The following CA10 variants were observed in gnomAD, a reference collection of about 807,000 sequenced individuals.
The protein encoded by CA10 is carbonic anhydrase 10 (inactive).
CA10 carries 14 observed loss-of-function variants against 44.2 expected under a neutral mutation model. That is an observed-to-expected ratio of 0.32 (90% confidence interval 0.21 to 0.50). CA10 has a LOEUF of 0.50. CA10 is among the 20% of genes least tolerant of loss of function. The pLI is 0.99. For synonymous variants in CA10, 159 were observed against 141.6 expected (o/e 1.12, Z -0.87); for missense variants, 350 against 409.7 (o/e 0.85, Z 1.26).
intron 2 of CA10, among the ~76,000 whole-genome samples, chr17:52,008,204 A>T (rs1028984708): frequency 1.3e-5 from 2 of 151,682 alleles, no homozygotes; most frequent in African/African-American, 4.8e-5. Flanking sequence ...TTCCTTTGCA[A>T]ACAAAGTTCT....
At chr17:52,106,122 C>T (rs927009136) in intron 1 of CA10, among the ~76,000 whole-genome samples, 6 of 152,284 alleles carry the variant, frequency 3.9e-5, no homozygotes, top group Admixed American at 6.5e-5. Flanking sequence ...GGGGCTGGCC[C>T]GCATCACGGG....
intron 2 of CA10, among the ~76,000 whole-genome samples, chr17:51,995,365 A>C (rs1261459941): frequency 6.6e-6 from 1 of 152,104 alleles, no homozygotes; most frequent in African/African-American, 2.4e-5. Context: ...TTAAAAAAAT[A>C]GGGAATAAGA....
intron 4 of CA10, among the ~76,000 whole-genome samples, chr17:51,656,671 C>A (rs561069867): frequency 6.6e-6 from 1 of 152,162 alleles, no homozygotes; most frequent in Non-Finnish European, 1.5e-5. Flanking sequence ...TGACAGTGTG[C>A]GCTCTAGGGA....
Position 51,630,338 on chromosome 17 carries a change from T to TATTG in CA10, c.*1242_*1245dup, listed in dbSNP as rs1390558604. The TATTG allele has an allele frequency of 3.3e-5, 5 of 152,628 alleles. No individual in the cohort carries two copies. Among genetic ancestry groups the TATTG allele is most frequent in the Non-Finnish European group, 7.3e-5 (5 of 68,046 alleles). The allele number at this position is 152,628 out of a possible 1,614,324, so 9.5% of individuals were successfully genotyped here. A position where few individuals can be genotyped will look rare whatever the true frequency, so the allele number is the denominator to read the frequency against. On this transcript the variant is annotated 3_prime_UTR_variant, in exon 9 of 9. Coordinates refer to ENST00000451037, the MANE Select transcript of CA10 (RefSeq NM_020178.5). ...TACTGGGTAACTTGTTAAACACATT[T>TATTG]ATTGATTTCTTGACAGTAACCAAAC...
At chr17:52,090,206 T>C (rs574608523) in intron 1 of CA10, among the ~76,000 whole-genome samples, 66 of 152,278 alleles carry the variant, frequency 4.3e-4, no homozygotes, top group African/African-American at 1.6e-3. Context: ...TCAAAAGTGA[T>C]AGGCCAAGTA....
chr17:51,706,538 T>A (rs1363050173), intron 4 of CA10, among the ~76,000 whole-genome samples: 1 of 152,240 alleles, frequency 6.6e-6, no homozygotes, highest in Non-Finnish European at 1.5e-5. Context: ...AGTGGCCTCC[T>A]AATAGGCCTG....
chr17:51,866,702 A>G (rs974039415), intron 3 of CA10, among the ~76,000 whole-genome samples: 4 of 152,094 alleles, frequency 2.6e-5, no homozygotes, highest in African/African-American at 9.7e-5. Context: ...CCTTCATTAT[A>G]CCACTTTTAG....
intron 3 of CA10, among the ~76,000 whole-genome samples, chr17:51,764,869 T>G (rs896042230): frequency 1.3e-5 from 2 of 152,212 alleles, no homozygotes; most frequent in African/African-American, 4.8e-5. Flanking sequence ...AAACGTCTCC[T>G]TAACATCCCC....
chr17:52,012,549 A>G (rs913966543), intron 2 of CA10, among the ~76,000 whole-genome samples: 1 of 151,992 alleles, frequency 6.6e-6, no homozygotes, highest in Non-Finnish European at 1.5e-5. Flanking sequence ...TTTTATTGCA[A>G]TATGCTTACT....
At chr17:51,842,776 A>G (rs990871033) in intron 3 of CA10, among the ~76,000 whole-genome samples, 3 of 152,094 alleles carry the variant, frequency 2.0e-5, no homozygotes, top group African/African-American at 4.8e-5. Flanking sequence ...GAGAAAGTTA[A>G]CAGTATATGG....
chr17:51,992,190 A>C (rs1194744813), intron 2 of CA10, among the ~76,000 whole-genome samples: 2 of 152,012 alleles, frequency 1.3e-5, no homozygotes, highest in East Asian at 3.9e-4. Flanking sequence ...TGTGTCCATA[A>C]GTTTCATTTT....
At chr17:51,851,568 T>C (rs2143824019) in intron 3 of CA10, among the ~76,000 whole-genome samples, 1 of 152,368 alleles carries the variant, frequency 6.6e-6, no homozygotes, top group East Asian at 1.9e-4. Context: ...ATTTTAAATT[T>C]ATGATATAAT....
rs536113758 is a variant in CA10 at position 51,829,221 on chromosome 17, C to T, written c.280-81403G>A. 3.1e-4 allele frequency among the ~76,000 whole-genome samples: 47 copies of T among 152,328 alleles called. 1 individual carries two copies. Among genetic ancestry groups the T allele is most frequent in the Admixed American group, 2.8e-3 (43 of 15,298 alleles). On this transcript the variant is annotated intron_variant, in intron 3 of 8. Coordinates refer to ENST00000451037, the MANE Select transcript of CA10 (RefSeq NM_020178.5). ...CCTAAGGGTAACAGCTCAAAGACTGCCCCCATGGATGTGTCTGGAATCCTC... is the reference window on the plus strand; with the variant it reads ...CCTAAGGGTAACAGCTCAAAGACTGTCCCCATGGATGTGTCTGGAATCCTC...
At chr17:51,678,427 C>A (rs1914706818) in intron 4 of CA10, among the ~76,000 whole-genome samples, 1 of 152,094 alleles carries the variant, frequency 6.6e-6, no homozygotes, top group Non-Finnish European at 1.5e-5. Context: ...AAAGGCTGAG[C>A]CTGAATAACT....
chr17:51,970,582 A>T (rs555649026), intron 2 of CA10, among the ~76,000 whole-genome samples: 1 of 152,182 alleles, frequency 6.6e-6, no homozygotes, highest in Non-Finnish European at 1.5e-5. Context: ...TGCTAAAATG[A>T]CTATTTGGCT....
At chr17:52,132,116 G>A (rs1382577358) in intron 1 of CA10, among the ~76,000 whole-genome samples, 1 of 151,734 alleles carries the variant, frequency 6.6e-6, no homozygotes, top group Non-Finnish European at 1.5e-5. Flanking sequence ...CATAGCACAT[G>A]TATACATGTA....
intron 3 of CA10, among the ~76,000 whole-genome samples, chr17:51,901,851 C>A (rs1598108537): frequency 6.6e-6 from 1 of 152,120 alleles, no homozygotes; most frequent in Non-Finnish European, 1.5e-5. Context: ...GTCCTCACAA[C>A]AATCTTACAA....
chr17:51,686,206 C>T (rs1297855828), intron 4 of CA10, among the ~76,000 whole-genome samples: 2 of 152,156 alleles, frequency 1.3e-5, no homozygotes, highest in African/African-American at 4.8e-5. Flanking sequence ...CCGTGTAAGA[C>T]GTGACTTTGC....
intron 2 of CA10, among the ~76,000 whole-genome samples, chr17:51,997,304 C>A (rs889789185): frequency 1.3e-5 from 2 of 152,046 alleles, no homozygotes; most frequent in African/African-American, 4.8e-5. Context: ...ATACCTAGCG[C>A]TGTTTTGTTC....
Sources: allele counts gnomAD v4.1 joint callset (sites outside exome capture counted in the v4.1 genomes callset), GRCh38; gene constraint gnomAD v4.1.1; transcripts MANE v1.5; gene names NCBI Gene and HGNC (gene_info 2026-07-23, HGNC 2026-07-21).